Variants in R3HDM2 observed in about 807,000 individuals in gnomAD.
R3HDM2 encodes the protein R3H domain-containing protein 2.
Under a neutral mutation model 124.5 loss-of-function variants are expected in R3HDM2, and 38 were observed. The ratio of observed to expected loss-of-function variants is 0.31; its 90% CI spans 0.24 to 0.40. The LOEUF is 0.40. Among genes scored for constraint, R3HDM2 ranks in the 10% least tolerant of loss-of-function variants. R3HDM2 has a pLI of 1.00. For synonymous variants in R3HDM2, 391 were observed against 448.0 expected (o/e 0.87, Z 1.61); for missense variants, 869 against 1,236.9 (o/e 0.70, Z 4.46).
chr12:57,350,960 A>T (rs2060619490), intron 2 of R3HDM2, among the ~76,000 whole-genome samples: 1 of 152,134 alleles, frequency 6.6e-6, no homozygotes, highest in East Asian at 1.9e-4. Context: ...TTAGCTGGGC[A>T]TGGTGGCGGG....
At chr12:57,262,607 G>C (rs2041164934) in intron 19 of R3HDM2, among the ~76,000 whole-genome samples, 3 of 152,136 alleles carry the variant, frequency 2.0e-5, no homozygotes, top group South Asian at 4.1e-4. Flanking sequence ...CTTTATTTTT[G>C]GAAAAGTGAC....
intron 21 of R3HDM2, among the ~76,000 whole-genome samples, chr12:57,256,876 T>C (rs2039204577): frequency 6.6e-6 from 1 of 151,362 alleles, no homozygotes; most frequent in South Asian, 2.1e-4. Context: ...TGGAGTGCAA[T>C]GGCATGATCT....
intron 18 of R3HDM2, among the ~76,000 whole-genome samples, chr12:57,267,631 C>T (rs1332361883): frequency 6.6e-6 from 1 of 152,108 alleles, no homozygotes; most frequent in Non-Finnish European, 1.5e-5. Flanking sequence ...AAACTCAAAA[C>T]AACCTGGAGA....
intron 1 of R3HDM2, among the ~76,000 whole-genome samples, chr12:57,398,096 G>A (rs1468344375): frequency 6.6e-6 from 1 of 150,830 alleles, no homozygotes; most frequent in East Asian, 2.0e-4. Flanking sequence ...GCAGGAAATC[G>A]CTTGAAACTG....
intron 2 of R3HDM2, among the ~76,000 whole-genome samples, chr12:57,312,870 G>A (rs557260090): frequency 1.4e-3 from 210 of 149,146 alleles, no homozygotes; most frequent in Non-Finnish European, 2.4e-3. Context: ...CAGAAGTTGC[G>A]GTGAGCCAAG....
intron 1 of R3HDM2, among the ~76,000 whole-genome samples, chr12:57,420,835 A>G (rs2070120144): frequency 6.6e-6 from 1 of 152,060 alleles, no homozygotes; most frequent in African/African-American, 2.4e-5. Context: ...ATATACTACT[A>G]TACTGCTGAC....
intron 2 of R3HDM2, among the ~76,000 whole-genome samples, chr12:57,322,189 C>G (rs2056568296): frequency 1.3e-5 from 2 of 152,332 alleles, no homozygotes; most frequent in South Asian, 4.1e-4. Context: ...GCACTCCAGC[C>G]TGGGCAACAG....
chr12:57,381,459 C>T (rs1275749730), intron 2 of R3HDM2, among the ~76,000 whole-genome samples: 2 of 149,080 alleles, frequency 1.3e-5, no homozygotes, highest in Non-Finnish European at 3.0e-5. Context: ...GCAGGAGAAT[C>T]TCTTGAATCC....
rs141002461 is a variant in R3HDM2, at chr12:57,357,385, C to G, written c.-36+38364G>C. ...GCTGAGGCAGGAGAATCGCTTGAAC[C>G]TAGGAGGCAGTGGTTGAAGTGAGCC... On this transcript the variant is annotated intron_variant, in intron 2 of 23. Transcript: ENST00000402412. 1.6e-3 allele frequency among the ~76,000 whole-genome samples: 236 copies of G among 151,684 alleles called. 1 individual carries two copies. Among genetic ancestry groups the G allele is most frequent in the African/African-American group, 5.5e-3 (226 of 41,354 alleles).
At chr12:57,374,683 TAAAAAAAAAAA>T (rs56197858) in intron 2 of R3HDM2, among the ~76,000 whole-genome samples, 8 of 28,058 alleles carry the variant, frequency 2.9e-4, no homozygotes, top group Admixed American at 5.6e-4. Context: ...AATTCTATCT[TAAAAAAAAAAA>T]AAAAAAAAAA....
intron 1 of R3HDM2, among the ~76,000 whole-genome samples, chr12:57,401,593 G>C (rs2068055515): frequency 6.6e-6 from 1 of 152,198 alleles, no homozygotes; most frequent in African/African-American, 2.4e-5. Flanking sequence ...GAACAAAATA[G>C]ATTTATTACG....
At chr12:57,334,650 A>AC (rs1566212854) in intron 2 of R3HDM2, among the ~76,000 whole-genome samples, 1 of 152,044 alleles carries the variant, frequency 6.6e-6, no homozygotes, top group African/African-American at 2.4e-5. Context: ...GATCCCAAAA[A>AC]CCCTGGAGAT....
At chr12:57,263,459 C>T (rs566937184) in intron 19 of R3HDM2, among the ~76,000 whole-genome samples, 7 of 152,216 alleles carry the variant, frequency 4.6e-5, no homozygotes, top group East Asian at 1.9e-4. Context: ...TGTATGAAGG[C>T]GGAAGTCATT....
At chr12:57,258,308 T>TA (rs2039668448) in intron 20 of R3HDM2, among the ~76,000 whole-genome samples, 171 bp from the exon 21 acceptor site, 2 of 149,848 alleles carry the variant, frequency 1.3e-5, no homozygotes, top group Non-Finnish European at 3.0e-5. Flanking sequence ...TCATTTATGC[T>TA]ATTTTATTTA....
At chr12:57,422,093 C>CAAAA (rs35439340) in intron 1 of R3HDM2, among the ~76,000 whole-genome samples, 16 of 74,192 alleles carry the variant, frequency 2.2e-4, no homozygotes, top group Middle Eastern at 9.1e-3. Flanking sequence ...CTCCGCCTAG[C>CAAAA]AAAAAAAAAA....
chr12:57,409,988 C>T (rs924665698), intron 1 of R3HDM2, among the ~76,000 whole-genome samples: 1 of 151,992 alleles, frequency 6.6e-6, no homozygotes, highest in African/African-American at 2.4e-5. Context: ...TTACATTTAC[C>T]ATCTGTATAA....
chr12:57,339,623 G>A (rs889139352), intron 2 of R3HDM2, among the ~76,000 whole-genome samples: 3 of 151,752 alleles, frequency 2.0e-5, no homozygotes, highest in Non-Finnish European at 2.9e-5. Context: ...GCTTGAACCC[G>A]GGAGGTGGAA....
At chr12:57,353,451 T>C (rs2060893697) in intron 2 of R3HDM2, among the ~76,000 whole-genome samples, 1 of 152,202 alleles carries the variant, frequency 6.6e-6, no homozygotes, top group Admixed American at 6.5e-5. Flanking sequence ...AAAAATGTCT[T>C]ACAATTTCCA....
chr12:57,422,430 A>G (rs1485682482), intron 1 of R3HDM2, among the ~76,000 whole-genome samples: 1 of 152,180 alleles, frequency 6.6e-6, no homozygotes, highest in Non-Finnish European at 1.5e-5. Flanking sequence ...GCAGTTTGGC[A>G]AAGACTCTGT....
Sources: gnomAD v4.1 joint callset for allele counts (sites outside exome capture counted in the v4.1 genomes callset) on GRCh38, gnomAD v4.1.1 for gene constraint, MANE v1.5 for transcripts, NCBI Gene and HGNC (gene_info 2026-07-23, HGNC 2026-07-21) for gene names.